Variants in FCHO2 observed in about 807,000 individuals in gnomAD.
FCHO2 encodes the protein FCH and mu domain containing endocytic adaptor 2.
A neutral mutation model predicts 114.1 loss-of-function variants in FCHO2; 43 were observed. That is an observed-to-expected ratio of 0.38 (90% CI 0.30 to 0.49). The LOEUF is 0.49. FCHO2 is among the 20% of genes least tolerant of loss of function. FCHO2 has a pLI of 0.97. For synonymous variants in FCHO2, 293 were observed against 315.2 expected, an observed-to-expected ratio of 0.93 and a Z score of 0.75; for missense variants, 807 against 950.4, an observed-to-expected ratio of 0.85 and a Z score of 1.98.
chr5:73,062,717 A>G (rs760306346), intron 17 of FCHO2, among the ~76,000 whole-genome samples: 13 of 152,008 alleles, frequency 8.6e-5, no homozygotes, highest in South Asian at 2.1e-4. Flanking sequence ...CCTACGTCCC[A>G]TGCATGTACA....
Position 72,964,983 on chromosome 5 carries a change from CA to C in FCHO2, c.34-3514del, listed in dbSNP as rs562239214. 2.0e-4 allele frequency among the ~76,000 whole-genome samples: 30 copies of C among 151,818 alleles called. No homozygotes were observed. In the East Asian group the frequency reaches 5.0e-3, roughly 25 times the overall value. ...CCCTTCCTGCCCATTAATCACTTAG[CA>C]GCCATCTTGGTTATCAGATTAAAAA... On this transcript the variant is annotated intron_variant, in intron 1 of 25. Coordinates refer to ENST00000430046, the MANE Select transcript of FCHO2 (RefSeq NM_138782.3).
chr5:73,034,282 A>C (rs1236947358), intron 8 of FCHO2, among the ~76,000 whole-genome samples: 2 of 152,134 alleles, frequency 1.3e-5, no homozygotes, highest in East Asian at 3.9e-4. Flanking sequence ...CTTCCCATGA[A>C]CACCACCGAG....
chr5:73,007,040 G>T (rs552461457), intron 6 of FCHO2, among the ~76,000 whole-genome samples: 48 of 152,130 alleles, frequency 3.2e-4, no homozygotes, highest in Non-Finnish European at 5.4e-4. Flanking sequence ...TGCCTTTTAG[G>T]AATCATACCT....
chr5:72,987,275 T>C (rs1753577979), intron 2 of FCHO2, among the ~76,000 whole-genome samples: 1 of 152,192 alleles, frequency 6.6e-6, no homozygotes, highest in Non-Finnish European at 1.5e-5. Flanking sequence ...TGGCATCATG[T>C]TGGTCCTCAA....
intron 8 of FCHO2, among the ~76,000 whole-genome samples, chr5:73,029,897 C>A (rs1316323625): frequency 6.6e-6 from 1 of 152,186 alleles, no homozygotes; most frequent in Non-Finnish European, 1.5e-5. Flanking sequence ...CCACCTCCCA[C>A]GTGGGAATCG....
chr5:73,068,313 G>T (rs1173828079), intron 18 of FCHO2, among the ~76,000 whole-genome samples: 1 of 152,008 alleles, frequency 6.6e-6, no homozygotes, highest in East Asian at 1.9e-4. Flanking sequence ...TTATAGTCAG[G>T]TAAAGTGAAT....
At chr5:72,978,101 T>C (rs1279741352) in intron 2 of FCHO2, among the ~76,000 whole-genome samples, 4 of 152,222 alleles carry the variant, frequency 2.6e-5, no homozygotes, top group African/African-American at 9.6e-5. Context: ...GGCTGTTTTT[T>C]GGTTCCATAT....
At position 73,024,348 on chromosome 5, in the gene FCHO2, C is replaced by G. The variant is rs544888313; in HGVS notation, c.796+7040C>G. ...AAGTGCTGGGATTACAGGTGTGAGC[C>G]ACTGTGCCTGGCTCATGTTTATTTT... On this transcript the variant is annotated intron_variant, in intron 8 of 25. Coordinates refer to ENST00000430046, the MANE Select transcript of FCHO2 (RefSeq NM_138782.3). 3.9e-5 allele frequency among the ~76,000 whole-genome samples: 6 copies of G among 152,266 alleles called. No homozygotes were observed. In the South Asian group the frequency reaches 8.3e-4, roughly 21 times the overall value.
chr5:72,970,680 C>G (rs984451176), intron 2 of FCHO2, among the ~76,000 whole-genome samples: 1 of 151,496 alleles, frequency 6.6e-6, no homozygotes, highest in Non-Finnish European at 1.5e-5. Context: ...ATTTTTCTTT[C>G]TTTTTCTTTT....
intron 9 of FCHO2, among the ~76,000 whole-genome samples, chr5:73,035,911 T>C (rs1038130443): frequency 6.6e-6 from 1 of 152,166 alleles, no homozygotes; most frequent in Admixed American, 6.5e-5. Context: ...TGGCGTGATC[T>C]TGGCTCACTG....
At chr5:73,070,181 A>G (rs570392189) in intron 19 of FCHO2, among the ~76,000 whole-genome samples, 1 of 152,224 alleles carries the variant, frequency 6.6e-6, no homozygotes, top group East Asian at 1.9e-4. Context: ...TTTGATAACC[A>G]CAGCCCTAAT....
chr5:73,003,234 G>A (rs558531547), intron 5 of FCHO2, among the ~76,000 whole-genome samples: 2 of 152,120 alleles, frequency 1.3e-5, no homozygotes, highest in African/African-American at 2.4e-5. Context: ...GGCAGGTCTC[G>A]AACTCCTGGG....
Position 72,968,594 on chromosome 5 carries a change from G to A in FCHO2, c.125+5G>A. On this transcript the variant is annotated splice_donor_5th_base_variant and intron_variant, in intron 2 of 25. Coordinates refer to ENST00000430046, the MANE Select transcript of FCHO2 (RefSeq NM_138782.3). The stretch of plus-strand genomic sequence containing the variant: ...AGCAGATTTTGTAAGGGAACGGTAT[G>A]TATTTTTTAAATAAGTAATTTGTTT... 6.7e-7 allele frequency: 1 copy of A among 1,500,196 alleles called. No individual in the cohort carries two copies. The highest frequency in any genetic ancestry group is 8.8e-7 in the Non-Finnish European group (1 of 1,131,848). The allele number at this position is 1,500,196 out of a possible 1,614,324, so 92.9% of individuals were successfully genotyped here. A position where few individuals can be genotyped will look rare whatever the true frequency, so the allele number is the denominator to read the frequency against.
chr5:73,014,764 A>G (rs2112738625), intron 6 of FCHO2, among the ~76,000 whole-genome samples: 1 of 151,904 alleles, frequency 6.6e-6, no homozygotes, highest in African/African-American at 2.4e-5. Flanking sequence ...TCTGATCACG[A>G]TTATAGATTT....
At chr5:72,997,406 G>A in intron 5 of FCHO2, 1 of 1,600,628 alleles carries the variant, frequency 6.2e-7, no homozygotes, top group Non-Finnish European at 8.5e-7. Context: ...TTTGGAGTTG[G>A]GCAGCTACAT....
intron 8 of FCHO2, among the ~76,000 whole-genome samples, chr5:73,027,429 A>G (rs1400384115): frequency 6.7e-6 from 1 of 149,920 alleles, no homozygotes; most frequent in Non-Finnish European, 1.5e-5. Flanking sequence ...AGTGCAGTTT[A>G]CCAAATTTTG....
chr5:73,016,957 C>T (rs556815763), intron 7 of FCHO2, among the ~76,000 whole-genome samples: 28 of 152,094 alleles, frequency 1.8e-4, no homozygotes, highest in African/African-American at 9.6e-5. Context: ...GTCTCTAGAA[C>T]GCTCAAAGAT....
rs1456319011 is a variant in FCHO2, at chr5:73,090,322, T to TAG, written c.*2233_*2234dup. 2.0e-5 allele frequency: 3 copies of TAG among 152,616 alleles called. No individual in the cohort carries two copies. The highest frequency in any genetic ancestry group is 4.4e-5 in the Non-Finnish European group (3 of 67,994). The allele number at this position is 152,616 out of a possible 1,614,324, so 9.5% of individuals were successfully genotyped here. ...TGCTTATATATAGTGATAAACTTTG[T>TAG]AGCTGCCTCTTTAACCAAGAATTTG... On this transcript the variant is annotated 3_prime_UTR_variant, in exon 26 of 26. Coordinates refer to ENST00000430046, the MANE Select transcript of FCHO2 (RefSeq NM_138782.3).
At chr5:73,026,699 T>C (rs1200893950) in intron 8 of FCHO2, among the ~76,000 whole-genome samples, 1 of 152,150 alleles carries the variant, frequency 6.6e-6, no homozygotes, top group African/African-American at 2.4e-5. Context: ...TTGTTTGTTT[T>C]GCTTTTTTTG....
Sources: allele counts gnomAD v4.1 joint callset (sites outside exome capture counted in the v4.1 genomes callset), GRCh38; gene constraint gnomAD v4.1.1; transcripts MANE v1.5; gene names NCBI Gene and HGNC (gene_info 2026-07-23, HGNC 2026-07-21).